The following CGREF1 variants were observed in gnomAD, a reference collection of about 807,000 sequenced individuals.
CGREF1 encodes cell growth regulator with EF-hand domain 1.
A neutral mutation model predicts 17.4 loss-of-function variants in CGREF1; 16 were observed. The ratio of observed to expected loss-of-function variants is 0.92; its 90% CI spans 0.62 to 1.40. The LOEUF (loss-of-function observed/expected upper bound fraction) is 1.40. Ranked by LOEUF, CGREF1 falls within the 40% of genes most tolerant of loss-of-function variation. CGREF1 has a pLI of 0.00. For missense variants in CGREF1, 296 were observed against 376.4 expected (o/e 0.79, Z 1.77); for synonymous variants, 142 against 154.6 (o/e 0.92, Z 0.61).
At chr2:27,103,858 C>T (rs1671009282) in intron 2 of CGREF1, among the ~76,000 whole-genome samples, 1 of 152,090 alleles carries the variant, frequency 6.6e-6, no homozygotes, top group Non-Finnish European at 1.5e-5. Context: ...TGGCGGGCGC[C>T]TGTAGTCCCA....
rs1362886630 is a variant in CGREF1 at position 27,101,694 on chromosome 2, T to C, written c.537A>G (p.Gln179=). The C allele has an allele frequency of 6.2e-7, 1 of 1,614,220 alleles. No homozygotes were observed. The part of the protein sequence containing the change: ...QSLLAKSPLR[Q]ETQEAPGPRE... ...TGGGACCAGGGGCTTCCTGTGTTTC[T>C]TGTCTTAATGGGCTTTTAGCTAATA... is the stretch of plus-strand genomic sequence containing the variant. The change falls in exon 6 of 6, where the codon CAA becomes CAG. Residue 179 remains glutamine (Q), a synonymous_variant. Coordinates refer to ENST00000402394, the MANE Select transcript of CGREF1 (RefSeq NM_006569.6).
chr2:27,103,489 C>T (rs1173800030), intron 2 of CGREF1, among the ~76,000 whole-genome samples: 1 of 152,048 alleles, frequency 6.6e-6, no homozygotes, highest in Admixed American at 6.5e-5. Flanking sequence ...TCTCTTGCCT[C>T]AGCCTCCTGA....
rs1456424691 is a variant in CGREF1, at chr2:27,102,293, C to T, written c.217+67G>A. 13 of 1,612,558 alleles carry T rather than the reference C, an allele frequency of 8.1e-6. No homozygotes were observed. The Admixed American group carries it at 1.2e-4, about 14-fold the overall frequency. The stretch of plus-strand genomic sequence containing the variant: ...AGAAGGCAGGAGTCAATGGGGCAGC[C>T]GAGGTCAGTCCCAGATCTGGCTGCC... On this transcript the variant is annotated intron_variant, in intron 4 of 5. Coordinates refer to ENST00000402394, the MANE Select transcript of CGREF1 (RefSeq NM_006569.6).
At chr2:27,115,580 C>G (rs1671538238) in intron 1 of CGREF1, among the ~76,000 whole-genome samples, 1 of 152,178 alleles carries the variant, frequency 6.6e-6, no homozygotes. Context: ...CTGGTATTTT[C>G]TCCACTTAAA....
chr2:27,102,092 C>A lies in CGREF1; in HGVS notation c.342+5G>T. ...ATGCGGGGATCTCCATCCAGCAGAG[C>A]TTACCGGGTTGGTGGTAGGAGAGTT... On this transcript the variant is annotated splice_donor_5th_base_variant and intron_variant, in intron 5 of 5. Coordinates refer to ENST00000402394, the MANE Select transcript of CGREF1 (RefSeq NM_006569.6). The A allele has an allele frequency of 6.2e-7, 1 of 1,601,552 alleles. No homozygotes were observed. Among genetic ancestry groups the A allele is most frequent in the Non-Finnish European group, 8.5e-7 (1 of 1,170,660 alleles).
At chr2:27,099,745 G>A (rs144351342), downstream of CGREF1, 38 of 1,614,022 alleles carry the variant, frequency 2.4e-5, no homozygotes, top group Middle Eastern at 1.7e-4. Context: ...TGATGGCATC[G>A]TGTGAGAGCA....
rs1215793249 is a variant in CGREF1, at chr2:27,119,025, C to A, written c.-191G>T. The A allele has an allele frequency of 6.6e-6, 1 of 152,334 alleles. No individual in the cohort carries two copies. The highest frequency in any genetic ancestry group is 1.5e-5 in the Non-Finnish European group (1 of 67,962). 9.4% of individuals were successfully genotyped at this position (152,334 alleles called of 1,614,324 possible). The stretch of plus-strand genomic sequence containing the variant: ...GGCAGAGTCCGGAGCCAGTGCCAGC[C>A]GCCGCCCCGCCCGCCGGACCTGGCC... On this transcript the variant is annotated 5_prime_UTR_variant, in exon 1 of 6. Transcript: ENST00000402394. The surrounding 1 kb of genome is among the most constrained non-coding windows in gnomAD (Gnocchi z 5.6).
At chr2:27,111,774 C>A (rs1448323119) in intron 1 of CGREF1, among the ~76,000 whole-genome samples, 2 of 148,058 alleles carry the variant, frequency 1.4e-5, no homozygotes. Flanking sequence ...GCTGGGCCCC[C>A]GAGCCCACGC....
chr2:27,118,998 C>G lies in CGREF1; in HGVS notation c.-164G>C, dbSNP rs1293374579. ...TCCCGGCTGGAGCCGCCGCCCTGGC[C>G]GGGCAGAGTCCGGAGCCAGTGCCAG... On this transcript the variant is annotated 5_prime_UTR_variant, in exon 1 of 6. Transcript: ENST00000402394. 2 of 152,002 alleles carry G rather than the reference C, an allele frequency of 1.3e-5. No homozygotes were observed. Among genetic ancestry groups the G allele is most frequent in the African/African-American group, 2.4e-5 (1 of 41,328 alleles). The allele number at this position is 152,002 out of a possible 1,614,324, so 9.4% of individuals were successfully genotyped here. A position where few individuals can be genotyped will look rare whatever the true frequency, so the allele number is the denominator to read the frequency against.
At chr2:27,100,053 C>A, downstream of CGREF1, 2 of 629,492 alleles carry the variant, frequency 3.2e-6, no homozygotes, top group East Asian at 2.7e-5. Context: ...GTGTCCATTC[C>A]CCAAATTAAC....
In CGREF1 at chr2:27,102,113, G is replaced by C; in HGVS notation, c.326C>G (p.Ser109Cys). The C allele has an allele frequency of 6.2e-7, 1 of 1,607,208 alleles. No homozygotes were observed. The highest frequency in any genetic ancestry group is 1.1e-5 in the South Asian group (1 of 90,856). ...AGAGCTTACCGGGTTGGTGGTAGGA[G>C]AGTTGGCAGCTCCAGGGGCCAGAGC... ...TAALAPGAAN[S>C]PTTNPVILIV... Residue 109 changes from serine (S) to cysteine (C), a missense_variant, in exon 5 of 6, where the codon TCT becomes TGT. This residue lies in a region of CGREF1 where 247 missense variants were observed against 267.2 expected (regional missense o/e 0.92). Transcript: ENST00000402394.
chr2:27,099,449 A>C, downstream of CGREF1: 1 of 1,613,800 alleles, frequency 6.2e-7, no homozygotes, highest in Non-Finnish European at 8.5e-7. Context: ...TGGGCTGAGG[A>C]GGGCGCCGAC....
chr2:27,101,172 G>T lies in CGREF1; in HGVS notation c.*102C>A. ...CCTGATACCTACTGGGACCAGGCAG[G>T]GGGCACAGAGATGGTCCTTGTCCCA... On this transcript the variant is annotated 3_prime_UTR_variant, in exon 6 of 6. Coordinates refer to ENST00000402394, the MANE Select transcript of CGREF1 (RefSeq NM_006569.6). The T allele has an allele frequency of 6.7e-7, 1 of 1,491,002 alleles. No individual in the cohort carries two copies. Among genetic ancestry groups the T allele is most frequent in the Admixed American group, 2.4e-5 (1 of 42,062 alleles). The allele number at this position is 1,491,002 out of a possible 1,614,324, so 92.4% of individuals were successfully genotyped here.
chr2:27,112,632 G>A (rs977274752), intron 1 of CGREF1, among the ~76,000 whole-genome samples: 1 of 152,198 alleles, frequency 6.6e-6, no homozygotes, highest in African/African-American at 2.4e-5. Context: ...AAATTACAAA[G>A]ATATGTATAG....
chr2:27,116,541 A>G (rs1302151473), intron 1 of CGREF1, among the ~76,000 whole-genome samples: 1 of 151,874 alleles, frequency 6.6e-6, no homozygotes, highest in African/African-American at 2.4e-5. Context: ...AGAGAGAGAA[A>G]AAAAAAAGTA....
intron 5 of CGREF1, 80 bp from the exon 6 acceptor site, chr2:27,101,968 C>G: frequency 6.4e-7 from 1 of 1,570,308 alleles, no homozygotes; most frequent in Non-Finnish European, 8.6e-7. Context: ...CACACCCTTG[C>G]ATCCCTGCCG....
intron 1 of CGREF1, among the ~76,000 whole-genome samples, chr2:27,111,925 G>A (rs1269866141): frequency 2.0e-5 from 3 of 152,200 alleles, no homozygotes; most frequent in Admixed American, 6.5e-5. Context: ...ACAGTGCAAC[G>A]GTGGGCTGAA....
chr2:27,108,811 A>AATTT lies in CGREF1; in HGVS notation c.-11-4438_-11-4435dup, dbSNP rs923563137. The stretch of plus-strand genomic sequence containing the variant: ...TTATCTTGCAGAATGAGGTGAAGCA[A>AATTT]ATTTATTTATTTATTTATTTAGAGA... On this transcript the variant is annotated intron_variant, in intron 1 of 5. Transcript: ENST00000402394. Among the ~76,000 whole-genome samples, 23 of 152,120 alleles carry AATTT rather than the reference A, an allele frequency of 1.5e-4. No individual in the cohort carries two copies. The South Asian group carries it at 2.3e-3, about 15-fold the overall frequency.
chr2:27,100,392 G>C (rs965373017), downstream of CGREF1: 7 of 1,273,690 alleles, frequency 5.5e-6, no homozygotes, highest in Non-Finnish European at 7.2e-6. Flanking sequence ...CCCAGAGCCT[G>C]AAAGTCTCAC....
Sources: gnomAD v4.1 joint callset for allele counts (sites outside exome capture counted in the v4.1 genomes callset) on GRCh38, gnomAD v4.1.1 for gene constraint, gnomAD v4.1.1 regional missense constraint, Gnocchi (gnomAD v3.1) non-coding constraint, MANE v1.5 for transcripts, NCBI Gene and HGNC (gene_info 2026-07-23, HGNC 2026-07-21) for gene names.